The following RFT1 variants were observed in gnomAD, a reference collection of about 807,000 sequenced individuals.
RFT1 encodes man(5)GlcNAc(2)-PP-dolichol translocation protein RFT1.
Under a neutral mutation model 62.2 loss-of-function variants are expected in RFT1, and 43 were observed. The ratio of observed to expected loss-of-function variants is 0.69; its 90% CI spans 0.54 to 0.89. The LOEUF (loss-of-function observed/expected upper bound fraction) is 0.89. Ranked by LOEUF, RFT1 falls within the 40% of genes least tolerant of loss-of-function variation. RFT1 has a pLI of 0.00. For synonymous variants in RFT1, 262 were observed against 264.6 expected (o/e 0.99, Z 0.10); for missense variants, 605 against 649.9 (o/e 0.93, Z 0.75).
intron 5 of RFT1, among the ~76,000 whole-genome samples, chr3:53,120,274 T>C (rs1228139352): frequency 6.6e-6 from 1 of 152,192 alleles, no homozygotes; most frequent in South Asian, 2.1e-4. Flanking sequence ...GTAATTTCCA[T>C]AACAGATGTA....
At chr3:53,105,840 G>A in intron 8 of RFT1, 37 bp from the exon 9 acceptor site, 1 of 1,587,598 alleles carries the variant, frequency 6.3e-7, no homozygotes, top group South Asian at 1.1e-5. Context: ...AATCATGTTG[G>A]TTTTTCTATT....
the RFT1 span, among the ~76,000 whole-genome samples, chr3:53,081,574 T>A: frequency 1.3e-5 from 2 of 152,188 alleles, no homozygotes; most frequent in South Asian, 4.1e-4. Flanking sequence ...GGGTGACAGA[T>A]GAGGAAACTG....
At position 53,099,417 on chromosome 3, in the gene RFT1, A is replaced by G; in HGVS notation, c.1172T>C (p.Phe391Ser). Residue 391 changes from phenylalanine to serine, a missense_variant, in exon 11 of 13, where the codon TTC (phenylalanine) becomes TCC (serine). By Grantham distance (155) the Phe-to-Ser change is radical. Transcript: ENST00000296292. ...CTCTTTGCTCATGGCAGCAAATGTG[A>G]AACACTCTGTCACTCCATTGATGGC... The part of the protein sequence containing the change: ...LLAINGVTEC[F>S]TFAAMSKEEV... 2 of 1,614,164 alleles carry G rather than the reference A, an allele frequency of 1.2e-6. No individual in the cohort carries two copies. The highest frequency in any genetic ancestry group is 8.5e-7 in the Non-Finnish European group (1 of 1,180,004).
downstream of RFT1, among the ~76,000 whole-genome samples, chr3:53,084,648 G>A (rs1457084886): frequency 6.6e-6 from 1 of 152,218 alleles, no homozygotes; most frequent in East Asian, 1.9e-4. Context: ...GCAGATTAAA[G>A]GTGAGAGGCC....
chr3:53,121,585 C>T (rs1575501672), intron 5 of RFT1, 114 bp downstream of exon 5: 14 of 842,142 alleles, frequency 1.7e-5, no homozygotes, highest in Non-Finnish European at 2.8e-5. Context: ...GGTGCTTCCA[C>T]CTCCTGCACA....
chr3:53,124,569 G>C (rs1702058039), intron 2 of RFT1, among the ~76,000 whole-genome samples: 1 of 152,172 alleles, frequency 6.6e-6, no homozygotes, highest in Non-Finnish European at 1.5e-5. Context: ...GCCAGACAAG[G>C]GCTGTCAAAG....
intron 10 of RFT1, among the ~76,000 whole-genome samples, chr3:53,102,961 A>G (rs1400193597): frequency 6.6e-6 from 1 of 152,222 alleles, no homozygotes; most frequent in Non-Finnish European, 1.5e-5. Flanking sequence ...ATCTCTGCCC[A>G]TAAACTTACT....
rs140449196 is a variant in RFT1 at position 53,092,915 on chromosome 3, G to C, written c.1209-297C>G. Among the ~76,000 whole-genome samples the C allele has an allele frequency of 1.1e-3, 165 of 152,342 alleles. 1 individual carries two copies. The highest frequency in any genetic ancestry group is 3.8e-3 in the African/African-American group (159 of 41,576). On this transcript the variant is annotated intron_variant, in intron 11 of 12. Transcript: ENST00000296292. Reference sequence around the variant, plus strand: ...TGTTCAGCCCAAGTCCTCAATGTGAGATACAAGAATGTGACCTGGGTAATT... The same window carrying C: ...TGTTCAGCCCAAGTCCTCAATGTGACATACAAGAATGTGACCTGGGTAATT...
At chr3:53,094,791 A>G (rs1266472183) in intron 11 of RFT1, among the ~76,000 whole-genome samples, 1 of 151,864 alleles carries the variant, frequency 6.6e-6, no homozygotes, top group African/African-American at 2.4e-5. Flanking sequence ...ATTCAAGCAG[A>G]GACGCATTCG....
intron 12 of RFT1, 139 bp from the exon 13 acceptor site, chr3:53,092,209 C>G: frequency 7.1e-7 from 1 of 1,400,550 alleles, no homozygotes; most frequent in African/African-American, 1.4e-5. Context: ...TCCATTGTTT[C>G]CCCATTGGCA....
chr3:53,092,001 C>T lies in RFT1; in HGVS notation c.1528G>A (p.Gly510Arg), dbSNP rs1332210996. 1.2e-6 allele frequency: 2 copies of T among 1,614,248 alleles called. No individual in the cohort carries two copies. Among genetic ancestry groups the T allele is most frequent in the Admixed American group, 1.7e-5 (1 of 60,028 alleles). ...AHIAVGAFCL[G>R]ATLGTAFLTE... ...AGGAATGCTGTCCCGAGAGTTGCTC[C>T]CAGACAGAAGGCCCCCACAGCAATG... Residue 510 changes from glycine to arginine, a missense_variant, in exon 13 of 13, where the codon GGA becomes AGA. Physicochemically the swap from Gly to Arg is moderately radical, Grantham distance 125. Coordinates refer to ENST00000296292, the MANE Select transcript of RFT1 (RefSeq NM_052859.4).
chr3:53,074,455 T>C, the RFT1 span, among the ~76,000 whole-genome samples: 6 of 151,834 alleles, frequency 4.0e-5, no homozygotes, highest in East Asian at 1.2e-3. Context: ...GCCAGGACCT[T>C]TTCCAGGGTC....
At chr3:53,095,669 T>C (rs1701119071) in intron 11 of RFT1, among the ~76,000 whole-genome samples, 1 of 151,734 alleles carries the variant, frequency 6.6e-6, no homozygotes, top group Non-Finnish European at 1.5e-5. Flanking sequence ...TGAGCTATGA[T>C]TGTACCACTG....
intron 10 of RFT1, among the ~76,000 whole-genome samples, chr3:53,101,961 C>T (rs151007238): frequency 6.0e-5 from 9 of 150,766 alleles, no homozygotes; most frequent in East Asian, 3.9e-4. Context: ...CTCTTGAACC[C>T]GGGAGGTGGA....
At chr3:53,067,044 T>C in the RFT1 span, among the ~76,000 whole-genome samples, 10 of 152,198 alleles carry the variant, frequency 6.6e-5, no homozygotes, top group Non-Finnish European at 1.0e-4. Flanking sequence ...AAACATTATA[T>C]TGGCTGGGCG....
chr3:53,114,781 T>G (rs1055202219), intron 6 of RFT1, among the ~76,000 whole-genome samples: 24 of 152,258 alleles, frequency 1.6e-4, no homozygotes, highest in African/African-American at 5.8e-4. Context: ...TAAAAGGTGA[T>G]GGATGGTAAC....
At chr3:53,066,996 G>A in the RFT1 span, among the ~76,000 whole-genome samples, 1 of 152,172 alleles carries the variant, frequency 6.6e-6, no homozygotes, top group Non-Finnish European at 1.5e-5. Context: ...AAAAAAGAAA[G>A]AACAACTGTT....
At chr3:53,075,674 G>A in the RFT1 span, among the ~76,000 whole-genome samples, 1 of 152,154 alleles carries the variant, frequency 6.6e-6, no homozygotes, top group African/African-American at 2.4e-5. Flanking sequence ...ACCAAGACTG[G>A]GAGTTGCTGG....
intron 11 of RFT1, 118 bp from the exon 12 acceptor site, chr3:53,092,736 T>C: frequency 8.3e-7 from 1 of 1,208,480 alleles, no homozygotes; most frequent in Non-Finnish European, 1.2e-6. Context: ...GGAATCCAGG[T>C]TTTCATAACA....
Sources: allele counts gnomAD v4.1 joint callset (sites outside exome capture counted in the v4.1 genomes callset), GRCh38; gene constraint gnomAD v4.1.1; transcripts MANE v1.5; gene names NCBI Gene and HGNC (gene_info 2026-07-23, HGNC 2026-07-21).